The following OR5V1 variants were observed in gnomAD, a reference collection of about 807,000 sequenced individuals.
The protein encoded by OR5V1 is olfactory receptor 5V1.
For synonymous variants in OR5V1, 134 were observed against 143.2 expected (o/e 0.94, Z 0.46); for missense variants, 365 against 371.5 (o/e 0.98, Z 0.14).
chr6:29,357,570 A>C (rs904357228), intron 1 of OR5V1, among the ~76,000 whole-genome samples: 2 of 152,158 alleles, frequency 1.3e-5, no homozygotes, highest in African/African-American at 4.8e-5. Context: ...GTTAATGGCA[A>C]TGTGCTATGC....
chr6:29,365,802 G>A lies in OR5V1; in HGVS notation c.-83+2830C>T, dbSNP rs150710217. ...TATTTAACCCAGCAATCCCATTACT[G>A]GGTATATACCCAAAGGATTATAAAT... On this transcript the variant is annotated intron_variant, in intron 1 of 1. Coordinates refer to ENST00000641768, the MANE Select transcript of OR5V1 (RefSeq NM_030876.6). Among the ~76,000 whole-genome samples the A allele has an allele frequency of 2.8e-3, 430 of 152,254 alleles. 3 individuals are homozygous for A. Among genetic ancestry groups the A allele is most frequent in the African/African-American group, 9.8e-3 (408 of 41,552 alleles).
chr6:29,361,744 G>T (rs1049712500), intron 1 of OR5V1, among the ~76,000 whole-genome samples: 1 of 152,102 alleles, frequency 6.6e-6, no homozygotes, highest in Non-Finnish European at 1.5e-5. Flanking sequence ...GAGGGATTAT[G>T]TCACCACCAG....
intron 1 of OR5V1, 144 bp from the exon 2 acceptor site, chr6:29,356,421 C>G: frequency 2.0e-6 from 1 of 495,818 alleles, no homozygotes; most frequent in Admixed American, 3.8e-5. Flanking sequence ...ACCTGCAGAT[C>G]AAATCTTTTT....
At chr6:29,356,706 A>G (rs1778328307) in intron 1 of OR5V1, among the ~76,000 whole-genome samples, 1 of 152,122 alleles carries the variant, frequency 6.6e-6, no homozygotes, top group South Asian at 2.1e-4. Context: ...AATATTTGGG[A>G]AAAATATAGA....
At chr6:29,365,226 G>C (rs556311618) in intron 1 of OR5V1, among the ~76,000 whole-genome samples, 7 of 151,550 alleles carry the variant, frequency 4.6e-5, no homozygotes, top group African/African-American at 1.7e-4. Context: ...TACCATTCAG[G>C]ACATAGGCAT....
intron 1 of OR5V1, among the ~76,000 whole-genome samples, chr6:29,367,005 T>A (rs1778887658): frequency 6.6e-6 from 1 of 152,172 alleles, no homozygotes; most frequent in South Asian, 2.1e-4. Flanking sequence ...CTTTCCCATG[T>A]CCCTATTTGT....
chr6:29,361,547 C>T (rs1228700650), intron 1 of OR5V1, among the ~76,000 whole-genome samples: 1 of 151,996 alleles, frequency 6.6e-6, no homozygotes, highest in Non-Finnish European at 1.5e-5. Context: ...GTCAGGTTAC[C>T]TACAAAGGGA....
intron 1 of OR5V1, among the ~76,000 whole-genome samples, chr6:29,367,304 A>C (rs1427611770): frequency 6.6e-6 from 1 of 152,114 alleles, no homozygotes; most frequent in Non-Finnish European, 1.5e-5. Flanking sequence ...TGATTATGAC[A>C]CATAACACAC....
chr6:29,361,079 A>G (rs1438406041), intron 1 of OR5V1, among the ~76,000 whole-genome samples: 3 of 152,124 alleles, frequency 2.0e-5, no homozygotes, highest in African/African-American at 7.2e-5. Context: ...GTTTAGAGAA[A>G]AACATAAGTG....
Position 29,355,992 on chromosome 6 carries a change from A to G in OR5V1, c.204T>C (p.Phe68=), listed in dbSNP as rs1778278349. The G allele has an allele frequency of 6.2e-7, 1 of 1,613,950 alleles. No homozygotes were observed. ...PMYYFLGNLA[F]IDICYTTSNV... The stretch of plus-strand genomic sequence containing the variant: ...TGCTGGTGGTGTAGCAGATGTCAAT[A>G]AAGGCCAAGTTCCCTAGAAAATAAT... The change falls in exon 2 of 2, where the codon TTT becomes TTC. Residue 68 remains phenylalanine (F), a synonymous_variant. Coordinates refer to ENST00000641768, the MANE Select transcript of OR5V1 (RefSeq NM_030876.6).
At chr6:29,365,614 A>C (rs1778813603) in intron 1 of OR5V1, among the ~76,000 whole-genome samples, 1 of 152,210 alleles carries the variant, frequency 6.6e-6, no homozygotes. Context: ...ATACCATCTC[A>C]CGCCAGTTTG....
At chr6:29,365,971 G>T (rs1778833685) in intron 1 of OR5V1, among the ~76,000 whole-genome samples, 1 of 152,130 alleles carries the variant, frequency 6.6e-6, no homozygotes, top group South Asian at 2.1e-4. Context: ...ATACTATGCA[G>T]CCATAAAAAA....
chr6:29,356,122 A>C lies in OR5V1; in HGVS notation c.74T>G (p.Phe25Cys). The C allele has an allele frequency of 6.2e-7, 1 of 1,612,720 alleles. No homozygotes were observed. The highest frequency in any genetic ancestry group is 8.5e-7 in the Non-Finnish European group (1 of 1,179,480). ...LGFSNLNELQ[F>C]LLFTIFFLTY... ...CAGAAAGAAGATGGTGAATAGTAAA[A>C]ACTGCAATTCATTTAGGTTGGAGAA... The change falls in exon 2 of 2, where the codon TTT becomes TGT. Residue 25 changes from phenylalanine to cysteine, a missense_variant. Phe to Cys is a radical substitution (Grantham distance 205, BLOSUM62 -2). Coordinates refer to ENST00000641768, the MANE Select transcript of OR5V1 (RefSeq NM_030876.6).
chr6:29,355,762 G>A lies in OR5V1; in HGVS notation c.434C>T (p.Ala145Val), dbSNP rs770610393. ...GAAACCAGCAGCCCAGCATGAGGCT[G>A]CTAATTGATTGCATAGAACCTTGCT... ...ILSKVLCNQL[A>V]ASCWAAGFLN... The change falls in exon 2 of 2, where the codon GCA becomes GTA. Residue 145 changes from alanine (A) to valine (V), a missense_variant. By Grantham distance (64) the Ala-to-Val change is moderately conservative. Coordinates refer to ENST00000641768, the MANE Select transcript of OR5V1 (RefSeq NM_030876.6). The A allele has an allele frequency of 6.2e-7, 1 of 1,613,990 alleles. No homozygotes were observed. The highest frequency in any genetic ancestry group is 8.5e-7 in the Non-Finnish European group (1 of 1,179,944).
chr6:29,362,201 A>C (rs1246641680), intron 1 of OR5V1, among the ~76,000 whole-genome samples: 1 of 152,218 alleles, frequency 6.6e-6, no homozygotes, highest in African/African-American at 2.4e-5. Flanking sequence ...AAGGCATTAC[A>C]CAATGGTAAA....
At chr6:29,356,932 A>G (rs1406343901) in intron 1 of OR5V1, among the ~76,000 whole-genome samples, 1 of 152,190 alleles carries the variant, frequency 6.6e-6, no homozygotes, top group Non-Finnish European at 1.5e-5. Flanking sequence ...TTGTATGAAT[A>G]TAGCAAAGTT....
intron 1 of OR5V1, among the ~76,000 whole-genome samples, chr6:29,364,134 A>G (rs1296582970): frequency 6.6e-6 from 1 of 152,174 alleles, no homozygotes; most frequent in African/African-American, 2.4e-5. Flanking sequence ...AATTACAAGC[A>G]TTCCTATACA....
At chr6:29,359,576 A>G (rs1315562630) in intron 1 of OR5V1, among the ~76,000 whole-genome samples, 1 of 152,200 alleles carries the variant, frequency 6.6e-6, no homozygotes, top group East Asian at 1.9e-4. Flanking sequence ...ACCAATGCAG[A>G]AGGCAGGTGA....
At position 29,355,996 on chromosome 6, in the gene OR5V1, G is replaced by T; in HGVS notation, c.200C>A (p.Ala67Asp). 6.2e-7 allele frequency: 1 copy of T among 1,614,020 alleles called. No individual in the cohort carries two copies. The highest frequency in any genetic ancestry group is 8.5e-7 in the Non-Finnish European group (1 of 1,179,948). The change falls in exon 2 of 2, where the codon GCC (alanine) becomes GAC (aspartate). Residue 67 changes from alanine to aspartate, a missense_variant. Transcript: ENST00000641768. Reference protein sequence around the residue: ...TPMYYFLGNLAFIDICYTTSN... With the variant: ...TPMYYFLGNLDFIDICYTTSN... The stretch of plus-strand genomic sequence containing the variant: ...GGTGGTGTAGCAGATGTCAATAAAG[G>T]CCAAGTTCCCTAGAAAATAATACAT...
Sources: allele counts gnomAD v4.1 joint callset (sites outside exome capture counted in the v4.1 genomes callset), GRCh38; gene constraint gnomAD v4.1.1; transcripts MANE v1.5; gene names NCBI Gene and HGNC (gene_info 2026-07-23, HGNC 2026-07-21).